The following GRM5 variants were observed in gnomAD, a reference collection of about 807,000 sequenced individuals.
GRM5 encodes the protein glutamate metabotropic receptor 5.
Under a neutral mutation model 83.1 loss-of-function variants are expected in GRM5, and 19 were observed. The ratio of observed to expected loss-of-function variants is 0.23; its 90% CI spans 0.16 to 0.34. The LOEUF (loss-of-function observed/expected upper bound fraction) is 0.34, where lower values mean the gene tolerates loss of function less well. Among genes scored for constraint, GRM5 ranks in the 10% least tolerant of loss-of-function variants. The pLI, the probability that GRM5 is intolerant of heterozygous loss-of-function variation, is 1.00. For missense variants in GRM5, 1,160 were observed against 1,588.3 expected, an observed-to-expected ratio of 0.73 and a Z score of 4.58; for synonymous variants, 675 against 633.6, an observed-to-expected ratio of 1.07 and a Z score of -0.98.
At chr11:88,602,044 T>C (rs574770502) in intron 5 of GRM5, among the ~76,000 whole-genome samples, 3 of 150,504 alleles carry the variant, frequency 2.0e-5, no homozygotes, top group Non-Finnish European at 3.0e-5. Context: ...TTCTTATCGG[T>C]AATTGTGAAA....
chr11:88,517,352 G>A (rs972966808), intron 9 of GRM5, among the ~76,000 whole-genome samples: 2 of 152,224 alleles, frequency 1.3e-5, no homozygotes, highest in Admixed American at 1.3e-4. Flanking sequence ...ATAAGCTACT[G>A]ATTCTTGGAG....
chr11:88,661,186 C>A (rs1049186127), intron 3 of GRM5, among the ~76,000 whole-genome samples: 2 of 152,108 alleles, frequency 1.3e-5, no homozygotes, highest in African/African-American at 4.8e-5. Flanking sequence ...ATCCTTAATG[C>A]TTGTTATAAT....
At chr11:89,029,867 C>T (rs1941220588) in intron 2 of GRM5, among the ~76,000 whole-genome samples, 1 of 152,146 alleles carries the variant, frequency 6.6e-6, no homozygotes, top group Non-Finnish European at 1.5e-5. Context: ...CTAAGGAATG[C>T]TGGGTTTCCA....
chr11:89,025,381 A>G (rs1323232284), intron 2 of GRM5, among the ~76,000 whole-genome samples: 1 of 152,034 alleles, frequency 6.6e-6, no homozygotes, highest in Non-Finnish European at 1.5e-5. Flanking sequence ...CATATTGATG[A>G]AGACTTCAGT....
chr11:88,771,676 C>A (rs1267214752), intron 3 of GRM5, among the ~76,000 whole-genome samples: 1 of 152,100 alleles, frequency 6.6e-6, no homozygotes, highest in African/African-American at 2.4e-5. Flanking sequence ...CACAGACATA[C>A]CCAGAAACAA....
intron 3 of GRM5, among the ~76,000 whole-genome samples, chr11:88,717,983 T>C (rs1344781667): frequency 1.3e-5 from 2 of 151,852 alleles, no homozygotes; most frequent in Non-Finnish European, 2.9e-5. Flanking sequence ...CAACAGACTA[T>C]GAAAATGCAA....
At chr11:88,524,299 C>T (rs957201090) in intron 9 of GRM5, among the ~76,000 whole-genome samples, 2 of 147,088 alleles carry the variant, frequency 1.4e-5, no homozygotes, top group African/African-American at 5.2e-5. Flanking sequence ...CTCACTGCAA[C>T]CTCTGCCTCC....
intron 2 of GRM5, among the ~76,000 whole-genome samples, chr11:88,934,935 C>T (rs1404159814): frequency 1.3e-5 from 2 of 151,872 alleles, no homozygotes; most frequent in Non-Finnish European, 2.9e-5. Flanking sequence ...CTAAAGCTTT[C>T]GTGAAGCAAC....
intron 3 of GRM5, among the ~76,000 whole-genome samples, chr11:88,845,725 GCC>G (rs66888159): frequency 2.0e-5 from 3 of 147,336 alleles, no homozygotes; most frequent in African/African-American, 2.6e-5. Context: ...GAACCACCGC[GCC>G]CCCCCCCACT....
chr11:88,880,932 G>T (rs1944941531), intron 2 of GRM5, among the ~76,000 whole-genome samples: 1 of 152,052 alleles, frequency 6.6e-6, no homozygotes, highest in Admixed American at 6.6e-5. Flanking sequence ...TTATAGAATT[G>T]TTGTGAAATT....
intron 2 of GRM5, among the ~76,000 whole-genome samples, chr11:88,889,693 T>C (rs925216621): frequency 2.6e-5 from 4 of 152,162 alleles, no homozygotes; most frequent in Non-Finnish European, 4.4e-5. Flanking sequence ...TCTTGTTTTC[T>C]GGAAAAAAAT....
intron 4 of GRM5, among the ~76,000 whole-genome samples, chr11:88,619,043 C>T (rs1208595418): frequency 2.0e-5 from 3 of 152,174 alleles, no homozygotes; most frequent in East Asian, 1.9e-4. Context: ...TTAACATTCA[C>T]TCCTAATTTT....
chr11:89,047,490 C>A lies in GRM5; in HGVS notation c.383G>T (p.Arg128Leu). Residue 128 changes from arginine (R) to leucine (L), a missense_variant, in exon 2 of 10, where the codon CGC becomes CTC. Transcript: ENST00000305447. The surrounding 1 kb of genome is among the most constrained non-coding windows in gnomAD (Gnocchi z 5.1). ...ISSEEEEGLV[R>L]CVDGSSSSFR... ...GGAAGAGGAGGAGCCATCCACACAG[C>A]GTACCAAGCCTTCTTCCTCTTCTGA... The A allele has an allele frequency of 6.2e-7, 1 of 1,614,162 alleles. No homozygotes were observed.
chr11:89,026,298 C>T (rs572887992), intron 2 of GRM5, among the ~76,000 whole-genome samples: 2 of 152,156 alleles, frequency 1.3e-5, no homozygotes, highest in South Asian at 2.1e-4. Context: ...TGCACATGTA[C>T]CCCCTGAACC....
At chr11:88,803,715 C>T (rs1239715120) in intron 3 of GRM5, among the ~76,000 whole-genome samples, 1 of 152,112 alleles carries the variant, frequency 6.6e-6, no homozygotes, top group African/African-American at 2.4e-5. Context: ...AGCTTCTACA[C>T]AGCAAAAGAA....
chr11:88,913,586 TC>T (rs1304290955), intron 2 of GRM5, among the ~76,000 whole-genome samples: 11 of 97,040 alleles, frequency 1.1e-4, no homozygotes, highest in African/African-American at 4.5e-4. Context: ...TCTCTCTCTC[TC>T]TTTTTTTTTT....
intron 3 of GRM5, among the ~76,000 whole-genome samples, chr11:88,730,201 C>T (rs1941775963): frequency 6.6e-6 from 1 of 152,096 alleles, no homozygotes; most frequent in South Asian, 2.1e-4. Flanking sequence ...ACAACCCCAT[C>T]AAAAAGTGGG....
At chr11:88,634,040 A>T (rs576940972) in intron 4 of GRM5, among the ~76,000 whole-genome samples, 6 of 152,340 alleles carry the variant, frequency 3.9e-5, no homozygotes, top group African/African-American at 1.4e-4. Context: ...GTGGGCAATT[A>T]TACAAAGGTG....
rs200566007 is a variant in GRM5 at position 89,001,851 on chromosome 11, CATAATT to C, written c.661+45355_661+45360del. ...CCGAAGACTGTCATATCACATTAAT[CATAATT>C]ATGTCAACAAAAACAAGGTACATAT... On this transcript the variant is annotated intron_variant, in intron 2 of 9. Transcript: ENST00000305447. Among the ~76,000 whole-genome samples, 746 of 152,208 alleles carry C rather than the reference CATAATT, an allele frequency of 4.9e-3. 5 individuals are homozygous for C. The highest frequency in any genetic ancestry group is 0.017 in the East Asian group (88 of 5,182).
Sources: gnomAD v4.1 joint callset for allele counts (sites outside exome capture counted in the v4.1 genomes callset) on GRCh38, gnomAD v4.1.1 for gene constraint, Gnocchi (gnomAD v3.1) non-coding constraint, MANE v1.5 for transcripts, NCBI Gene and HGNC (gene_info 2026-07-23, HGNC 2026-07-21) for gene names.